The following LY6S variants were observed in gnomAD, a reference collection of about 807,000 sequenced individuals.
LY6S encodes the protein lymphocyte antigen 6S.
At chr8:143,073,174 T>C in the LY6S span, among the ~76,000 whole-genome samples, 4,146 of 58,422 alleles carry the variant, frequency 0.071, 8 homozygotes, top group Non-Finnish European at 0.12. Flanking sequence ...GGTTCCTGTT[T>C]GAGGAGACAG....
chr8:143,071,028 A>G, the LY6S span, among the ~76,000 whole-genome samples: 1 of 146,924 alleles, frequency 6.8e-6, no homozygotes, highest in Non-Finnish European at 1.5e-5. Flanking sequence ...AAGGAAGGTC[A>G]CTTGTTTTTA....
chr8:143,051,620 C>A, the LY6S span, among the ~76,000 whole-genome samples: 1 of 152,084 alleles, frequency 6.6e-6, no homozygotes, highest in Non-Finnish European at 1.5e-5. Flanking sequence ...AGGTTAGTGG[C>A]TCATAGGTCA....
the LY6S span, among the ~76,000 whole-genome samples, chr8:143,070,364 GAT>G: frequency 1.6e-5 from 2 of 123,450 alleles, no homozygotes; most frequent in African/African-American, 3.3e-5. Context: ...TTCTCCAGCT[GAT>G]ATATATATAT....
the LY6S span, among the ~76,000 whole-genome samples, chr8:143,070,482 T>C: frequency 4.8e-5 from 5 of 104,264 alleles, no homozygotes; most frequent in East Asian, 1.5e-3. Context: ...TATAAATATA[T>C]ATATATATTT....
the LY6S span, among the ~76,000 whole-genome samples, chr8:143,046,495 A>G: frequency 6.7e-6 from 1 of 150,130 alleles, no homozygotes; most frequent in African/African-American, 2.5e-5. Flanking sequence ...GGAGAATGGC[A>G]TGAACCCGGG....
At chr8:143,044,544 A>AC in the LY6S span, 1 of 59,042 alleles carries the variant, frequency 1.7e-5, no homozygotes, top group African/African-American at 1.6e-4. Context: ...ACCCCACCCC[A>AC]CCCCCCACCT....
chr8:143,052,768 C>G, the LY6S span, among the ~76,000 whole-genome samples: 1 of 152,284 alleles, frequency 6.6e-6, no homozygotes, highest in African/African-American at 2.4e-5. Context: ...TTAAAGCAAA[C>G]CCTGGCAAAA....
the LY6S span, among the ~76,000 whole-genome samples, chr8:143,070,031 G>A: frequency 6.6e-6 from 1 of 152,172 alleles, no homozygotes; most frequent in African/African-American, 2.4e-5. Flanking sequence ...GGATTCTGTC[G>A]CTGTCCTGGA....
the LY6S span, among the ~76,000 whole-genome samples, chr8:143,062,070 G>C: frequency 3.3e-5 from 5 of 152,032 alleles, no homozygotes; most frequent in African/African-American, 1.2e-4. Flanking sequence ...ACATATAAAG[G>C]TTGGAAAGAA....
chr8:143,046,766 G>A, the LY6S span, among the ~76,000 whole-genome samples: 18 of 152,026 alleles, frequency 1.2e-4, no homozygotes, highest in Non-Finnish European at 1.8e-4. Flanking sequence ...TTGGGAGACC[G>A]AGGCAGGTGA....
chr8:143,048,609 A>G, the LY6S span, among the ~76,000 whole-genome samples: 1 of 151,652 alleles, frequency 6.6e-6, no homozygotes, highest in Admixed American at 6.6e-5. Flanking sequence ...CTGGGACTAC[A>G]GGGGTCTGCC....
At chr8:143,065,800 TTTC>T in the LY6S span, 1 of 144,892 alleles carries the variant, frequency 6.9e-6, no homozygotes, top group African/African-American at 2.7e-5. Flanking sequence ...TCTTTCTTTC[TTTC>T]TTTCTTTCTT....
the LY6S span, among the ~76,000 whole-genome samples, chr8:143,055,016 G>A: frequency 8.9e-3 from 1,361 of 152,286 alleles, 16 homozygotes; most frequent in African/African-American, 0.031. Flanking sequence ...CCATGTCTAC[G>A]TCAATCAGCC....
chr8:143,070,473 ATAAATATATATATATAT>A, the LY6S span, among the ~76,000 whole-genome samples: 1 of 35,070 alleles, frequency 2.9e-5, no homozygotes, highest in African/African-American at 8.4e-5. Flanking sequence ...TAATATATAT[ATAAATATATATATATAT>A]TTTTTTTTTT....
the LY6S span, chr8:143,065,767 T>TC: frequency 2.2e-5 from 2 of 90,768 alleles, no homozygotes; most frequent in East Asian, 3.9e-4. Context: ...TCTTTCTTTC[T>TC]TTTCTCTTTC....
chr8:143,046,989 G>A, the LY6S span, among the ~76,000 whole-genome samples: 2 of 151,994 alleles, frequency 1.3e-5, no homozygotes, highest in South Asian at 2.1e-4. Context: ...TGACAAGAGC[G>A]AAACTCCATC....
chr8:143,070,449 T>TATATATATATATAATATATATATA, the LY6S span, among the ~76,000 whole-genome samples: 2 of 25,032 alleles, frequency 8.0e-5, no homozygotes, highest in Non-Finnish European at 1.4e-4. Flanking sequence ...ATATATTGTA[T>TATATATATATATAATATATATATA]ATATATATAT....
At chr8:143,064,327 C>T in the LY6S span, among the ~76,000 whole-genome samples, 2 of 152,270 alleles carry the variant, frequency 1.3e-5, no homozygotes, top group East Asian at 3.9e-4. Flanking sequence ...CTCTGTTTCC[C>T]TTCTATAGAG....
chr8:143,074,957 G>T, the LY6S span, among the ~76,000 whole-genome samples: 1 of 152,178 alleles, frequency 6.6e-6, no homozygotes. Context: ...GCATTTGAAA[G>T]AAATGATAAT....
Sources: gnomAD v4.1 joint callset for allele counts (sites outside exome capture counted in the v4.1 genomes callset) on GRCh38, gnomAD v4.1.1 for gene constraint, MANE v1.5 for transcripts, NCBI Gene and HGNC (gene_info 2026-07-23, HGNC 2026-07-21) for gene names.